FAT1: variants seen among roughly 807,000 people sequenced by gnomAD.
FAT1 encodes protocadherin Fat 1.
A neutral mutation model predicts 329.8 loss-of-function variants in FAT1; 171 were observed. The ratio of observed to expected loss-of-function variants is 0.52; its 90% CI spans 0.46 to 0.59. The LOEUF is 0.59. FAT1 is among the 20% of genes least tolerant of loss of function. FAT1 has a pLI of 0.00. For synonymous variants in FAT1, 2,233 were observed against 2,228.6 expected (o/e 1.00, Z -0.06); for missense variants, 5,672 against 5,774.4 (o/e 0.98, Z 0.57).
chr4:186,593,333 G>C (rs933902629), intron 26 of FAT1, among the ~76,000 whole-genome samples: 2 of 152,310 alleles, frequency 1.3e-5, no homozygotes, highest in Non-Finnish European at 2.9e-5. Flanking sequence ...TGTTTCCTGT[G>C]TAAATTCCCT....
At chr4:186,602,818 T>C (rs1738878150) in intron 20 of FAT1, 85 bp downstream of exon 20, 3 of 1,399,684 alleles carry the variant, frequency 2.1e-6, no homozygotes, top group Non-Finnish European at 2.9e-6. Flanking sequence ...TGCAATATTT[T>C]TAGACTCCAA....
At position 186,709,090 on chromosome 4, in the gene FAT1, G is replaced by A. The variant is rs769749398; in HGVS notation, c.738C>T (p.His246=). Residue 246 remains histidine (H), a synonymous_variant, in exon 2 of 27, where the codon CAC becomes CAT. Transcript: ENST00000441802. ...GISSMAKLTV[H]IEQANECAPV... is the part of the protein sequence containing the mutation. ...GAGCACATTCATTGGCCTGTTCGAT[G>A]TGCACCGTTAGCTTGGCCATGCTGC... 11 of 1,613,816 alleles carry A rather than the reference G, an allele frequency of 6.8e-6. No individual in the cohort carries two copies. The South Asian group carries it at 1.1e-4, about 16-fold the overall frequency.
intron 2 of FAT1, among the ~76,000 whole-genome samples, chr4:186,689,293 C>T (rs1025417556): frequency 6.6e-5 from 10 of 152,114 alleles, no homozygotes; most frequent in African/African-American, 2.4e-4. Context: ...CAAATTATGC[C>T]CCCCAAAAAG....
chr4:186,709,447 A>G lies in FAT1; in HGVS notation c.381T>C (p.Thr127=). The G allele has an allele frequency of 6.2e-7, 1 of 1,613,972 alleles. No individual in the cohort carries two copies. The highest frequency in any genetic ancestry group is 8.5e-7 in the Non-Finnish European group (1 of 1,179,888). ...TLIVKALEKN[T]NVEARTKVRV... ...TGACCTTTGTTCGCGCCTCCACATT[A>G]GTATTTTTTTCAAGTGCTTTCACTA... Residue 127 remains threonine (T), a synonymous_variant, in exon 2 of 27, where the codon ACT becomes ACC. Coordinates refer to ENST00000441802, the MANE Select transcript of FAT1 (RefSeq NM_005245.4).
intron 9 of FAT1, among the ~76,000 whole-genome samples, chr4:186,623,921 C>G (rs974707018): frequency 6.6e-6 from 1 of 152,184 alleles, no homozygotes; most frequent in Non-Finnish European, 1.5e-5. Flanking sequence ...GAGCATGTCA[C>G]TGATAACAAG....
At chr4:186,637,415 TTAAA>T (rs1396496444) in intron 4 of FAT1, among the ~76,000 whole-genome samples, 1 of 152,234 alleles carries the variant, frequency 6.6e-6, no homozygotes, top group African/African-American at 2.4e-5. Flanking sequence ...AAAGTATGTG[TTAAA>T]TAAATAGTAC....
chr4:186,692,437 C>T (rs1252138585), intron 2 of FAT1, among the ~76,000 whole-genome samples: 5 of 152,084 alleles, frequency 3.3e-5, no homozygotes, highest in Non-Finnish European at 7.4e-5. Flanking sequence ...CTCAGCCTCC[C>T]GAGTAGCTGG....
chr4:186,708,095 A>G lies in FAT1; in HGVS notation c.1733T>C (p.Ile578Thr), dbSNP rs2126693832. 1 of 1,613,970 alleles carries G rather than the reference A, an allele frequency of 6.2e-7. No individual in the cohort carries two copies. Among genetic ancestry groups the G allele is most frequent in the South Asian group, 1.1e-5 (1 of 91,074 alleles). ...CTCTCCCACGCCTAGATCTCTGGGA[A>G]TTGTCCCTTCACAATTTATTTTCTC... Reference protein sequence around the residue: ...LFEKINCEGTIPRDLGVGEQI... With the variant: ...LFEKINCEGTTPRDLGVGEQI... The change falls in exon 2 of 27, where the codon ATT becomes ACT. Residue 578 changes from isoleucine to threonine, a missense_variant. Ile to Thr is a moderately conservative substitution (Grantham distance 89). Coordinates refer to ENST00000441802, the MANE Select transcript of FAT1 (RefSeq NM_005245.4).
At chr4:186,592,361 T>C (rs1311495192) in intron 26 of FAT1, among the ~76,000 whole-genome samples, 1 of 152,212 alleles carries the variant, frequency 6.6e-6, no homozygotes, top group African/African-American at 2.4e-5. Flanking sequence ...CAAGTCTTAT[T>C]CCTGTACATA....
At chr4:186,651,120 T>C (rs1025356074) in intron 3 of FAT1, among the ~76,000 whole-genome samples, 4 of 146,914 alleles carry the variant, frequency 2.7e-5, no homozygotes, top group Non-Finnish European at 4.5e-5. Context: ...AATTAATAAT[T>C]AACAAATAAT....
In FAT1 at chr4:186,595,732, C is replaced by T. The variant is rs1738472095; in HGVS notation, c.13095G>A (p.Val4365=). The T allele has an allele frequency of 6.2e-7, 1 of 1,613,970 alleles. No individual in the cohort carries two copies. The highest frequency in any genetic ancestry group is 8.5e-7 in the Non-Finnish European group (1 of 1,179,878). The part of the protein sequence containing the change: ...PYSARESLSE[V]QSLSSFQSES... Reference sequence around the variant, plus strand: ...CGGACTGGAAGGAGCTCAGAGACTGCACTTCAGACAGGCTTTCCCGGGCAC... The same window carrying T: ...CGGACTGGAAGGAGCTCAGAGACTGTACTTCAGACAGGCTTTCCCGGGCAC... The change falls in exon 26 of 27, where the codon GTG becomes GTA. Residue 4365 remains valine, a synonymous_variant. Coordinates refer to ENST00000441802, the MANE Select transcript of FAT1 (RefSeq NM_005245.4).
At chr4:186,613,450 A>G (rs1739560695) in intron 12 of FAT1, 108 bp from the exon 13 acceptor site, 2 of 811,546 alleles carry the variant, frequency 2.5e-6, no homozygotes, top group East Asian at 5.2e-5. Context: ...GAGTATTCAC[A>G]GCCTTCCTCT....
intron 3 of FAT1, among the ~76,000 whole-genome samples, chr4:186,651,142 T>TTTA (rs1166994359): frequency 5.5e-5 from 6 of 108,184 alleles, no homozygotes; most frequent in South Asian, 5.0e-4. Context: ...ACTAAATTTA[T>TTTA]TTATTAATAA....
chr4:186,614,153 G>T, intron 12 of FAT1, 38 bp downstream of exon 12: 2 of 1,547,976 alleles, frequency 1.3e-6, no homozygotes. Flanking sequence ...GATACTGTTG[G>T]AATATACAAT....
Position 186,588,781 on chromosome 4 carries a change from G to A in FAT1, c.13578C>T (p.His4526=), listed in dbSNP as rs746739819. 3.1e-6 allele frequency: 5 copies of A among 1,614,076 alleles called. No homozygotes were observed. The highest frequency in any genetic ancestry group is 4.2e-6 in the Non-Finnish European group (5 of 1,179,908). Residue 4526 remains histidine, a synonymous_variant, in exon 27 of 27, where the codon CAC becomes CAT. Coordinates refer to ENST00000441802, the MANE Select transcript of FAT1 (RefSeq NM_005245.4). ...HAPYPPGYQR[H]FEAPAVESMP... ...TGCTCTCGACAGCGGGCGCCTCGAAGTGTCTTTGATACCCTGGCGGGTAAG... is the reference window on the plus strand; with the variant it reads ...TGCTCTCGACAGCGGGCGCCTCGAAATGTCTTTGATACCCTGGCGGGTAAG...
At position 186,617,828 on chromosome 4, in the gene FAT1, C is replaced by A. The variant is rs1739788096; in HGVS notation, c.8758G>T (p.Ala2920Ser). The A allele has an allele frequency of 6.2e-7, 1 of 1,613,844 alleles. No individual in the cohort carries two copies. The highest frequency in any genetic ancestry group is 8.5e-7 in the Non-Finnish European group (1 of 1,179,858). ...CTCACAGTCCCTTTATAGATCTCGGCCGTGAATCGTGGTGGACTATCGTTG... is the reference window on the plus strand; with the variant it reads ...CTCACAGTCCCTTTATAGATCTCGGACGTGAATCGTGGTGGACTATCGTTG... ...DVNDSPPRFT[A>S]EIYKGTVSED... The change falls in exon 10 of 27, where the codon GCC becomes TCC. Residue 2920 changes from alanine (A) to serine (S), a missense_variant. This residue lies in a region of FAT1 where 3,966 missense variants were observed against 3,915.2 expected (regional missense o/e 1.01). Coordinates refer to ENST00000441802, the MANE Select transcript of FAT1 (RefSeq NM_005245.4).
At chr4:186,725,167 T>C (rs951658168), upstream of FAT1, among the ~76,000 whole-genome samples, 1 of 152,032 alleles carries the variant, frequency 6.6e-6, no homozygotes, top group African/African-American at 2.4e-5. The surrounding 1 kb of genome is among the most constrained non-coding windows in gnomAD (Gnocchi z 5.4). Flanking sequence ...CCGGCCATAA[T>C]TGCTCCAAGT....
rs180979256 is a variant in FAT1 at position 186,701,433 on chromosome 4, C to G, written c.3265+5130G>C. Among the ~76,000 whole-genome samples the G allele has an allele frequency of 7.9e-3, 1,205 of 152,298 alleles. 19 individuals are homozygous for G. Among genetic ancestry groups the G allele is most frequent in the African/African-American group, 0.028 (1,177 of 41,558 alleles). The stretch of plus-strand genomic sequence containing the variant: ...TTTCCTAGGAGGAGAACATAAAGAG[C>G]CAAGAGGACAGCAGCTGCTGCCACT... On this transcript the variant is annotated intron_variant, in intron 2 of 26. Coordinates refer to ENST00000441802, the MANE Select transcript of FAT1 (RefSeq NM_005245.4).
chr4:186,693,154 T>TA (rs1182710096), intron 2 of FAT1, among the ~76,000 whole-genome samples: 33 of 152,354 alleles, frequency 2.2e-4, no homozygotes, highest in African/African-American at 3.1e-4. Flanking sequence ...ATGACAAACT[T>TA]AAAGTATCGT....
Sources: gnomAD v4.1 joint callset for allele counts (sites outside exome capture counted in the v4.1 genomes callset) on GRCh38, gnomAD v4.1.1 for gene constraint, gnomAD v4.1.1 regional missense constraint, Gnocchi (gnomAD v3.1) non-coding constraint, MANE v1.5 for transcripts, NCBI Gene and HGNC (gene_info 2026-07-23, HGNC 2026-07-21) for gene names.